RBFOX1: variants seen among roughly 807,000 people sequenced by gnomAD.
RBFOX1 encodes the protein RNA binding protein fox-1 homolog 1.
RBFOX1 carries 8 observed loss-of-function variants against 57.7 expected under a neutral mutation model. The observed-to-expected ratio is 0.14, with a 90% confidence interval of 0.08 to 0.25. The LOEUF is 0.25. Ranked by LOEUF, RBFOX1 falls within the 10% of genes least tolerant of loss-of-function variation. RBFOX1 has a pLI of 1.00. For synonymous variants in RBFOX1, 326 were observed against 222.4 expected (o/e 1.47, Z -4.15); for missense variants, 611 against 548.5 (o/e 1.11, Z -1.14).
chr16:6,942,853 C>G (rs1462305522), intron 3 of RBFOX1, among the ~76,000 whole-genome samples: 2 of 152,184 alleles, frequency 1.3e-5, no homozygotes, highest in Non-Finnish European at 1.5e-5. Flanking sequence ...GAGGACAGTC[C>G]TTCTACATGG....
chr16:7,487,224 G>T (rs539360686), intron 4 of RBFOX1, among the ~76,000 whole-genome samples: 1 of 152,154 alleles, frequency 6.6e-6, no homozygotes, highest in Non-Finnish European at 1.5e-5. Context: ...TGAACTTGCA[G>T]TTCCCACTGC....
At chr16:5,778,773 C>T (rs1399387602) in intron 3 of RBFOX1, among the ~76,000 whole-genome samples, 1 of 152,202 alleles carries the variant, frequency 6.6e-6, no homozygotes, top group Non-Finnish European at 1.5e-5. Flanking sequence ...TGAGCTCTAA[C>T]TCCCACCCCT....
At chr16:7,204,467 C>G (rs957544311) in intron 4 of RBFOX1, among the ~76,000 whole-genome samples, 1 of 152,116 alleles carries the variant, frequency 6.6e-6, no homozygotes, top group Admixed American at 6.5e-5. Flanking sequence ...CATAGTAAGA[C>G]ATTGTCTCTA....
At chr16:5,357,508 C>T (rs1596642881) in intron 1 of RBFOX1, among the ~76,000 whole-genome samples, 3 of 152,196 alleles carry the variant, frequency 2.0e-5, no homozygotes, top group Admixed American at 2.0e-4. Flanking sequence ...CAGGATTCCC[C>T]ACCAGAATGG....
intron 1 of RBFOX1, among the ~76,000 whole-genome samples, chr16:5,330,007 C>G (rs1232136028): frequency 6.7e-6 from 1 of 149,138 alleles, no homozygotes; most frequent in East Asian, 2.0e-4. Context: ...AAAAAAAGAC[C>G]GATGCGGTGT....
chr16:7,709,849 A>T (rs2083664005), intron 15 of RBFOX1: 1 of 1,218,332 alleles, frequency 8.2e-7, no homozygotes, highest in Non-Finnish European at 1.0e-6. Context: ...GTACAGTAAG[A>T]CGTGCCCATC....
At chr16:5,991,650 T>C (rs199930822) in intron 4 of RBFOX1, among the ~76,000 whole-genome samples, 86,364 of 126,362 alleles carry the variant, frequency 0.68, 26,920 homozygotes, top group Middle Eastern at 0.78. Flanking sequence ...AGATAGTTTT[T>C]TTTTTTTTTT....
intron 5 of RBFOX1, among the ~76,000 whole-genome samples, chr16:7,577,523 G>C (rs1002194290): frequency 6.6e-6 from 1 of 152,276 alleles, no homozygotes; most frequent in East Asian, 1.9e-4. Flanking sequence ...TCCAGAATTG[G>C]CAAGCCTGGC....
At chr16:6,168,108 G>A (rs752562032) in intron 1 of RBFOX1, among the ~76,000 whole-genome samples, 1 of 152,118 alleles carries the variant, frequency 6.6e-6, no homozygotes, top group Admixed American at 6.5e-5. Flanking sequence ...GGGGGCACAC[G>A]CAGATTTGCA....
intron 4 of RBFOX1, among the ~76,000 whole-genome samples, chr16:7,282,485 T>A (rs951803578): frequency 1.3e-5 from 2 of 152,122 alleles, no homozygotes; most frequent in African/African-American, 2.4e-5. Flanking sequence ...AGTTATCAGG[T>A]GGATTTTCTG....
At chr16:6,470,476 A>G (rs878868117) in intron 2 of RBFOX1, among the ~76,000 whole-genome samples, 13 of 152,238 alleles carry the variant, frequency 8.5e-5, no homozygotes, top group Admixed American at 8.5e-4. Flanking sequence ...TGGCTTGGAC[A>G]TGAATAGTGC....
chr16:5,641,043 C>T (rs1194709996), intron 3 of RBFOX1, among the ~76,000 whole-genome samples: 1 of 151,548 alleles, frequency 6.6e-6, no homozygotes, highest in Non-Finnish European at 1.5e-5. Flanking sequence ...CCCATGCACA[C>T]ACATATGCAC....
chr16:7,345,672 G>A (rs955800895), intron 4 of RBFOX1, among the ~76,000 whole-genome samples: 22 of 152,276 alleles, frequency 1.4e-4, no homozygotes, highest in African/African-American at 4.3e-4. Flanking sequence ...ACTTGCTGCC[G>A]GTGATGGAGC....
chr16:6,474,752 A>C (rs555698711), intron 2 of RBFOX1, among the ~76,000 whole-genome samples: 1 of 152,260 alleles, frequency 6.6e-6, no homozygotes, highest in Non-Finnish European at 1.5e-5. Flanking sequence ...GGGAATATGG[A>C]TTCATGTAAG....
At chr16:6,705,689 G>C (rs922771933) in intron 3 of RBFOX1, 10 of 152,182 alleles carry the variant, frequency 6.6e-5, no homozygotes, top group African/African-American at 2.2e-4. Context: ...CTGTGATAGA[G>C]TATGTCTTAT....
chr16:5,396,914 C>G (rs924884640), intron 1 of RBFOX1, among the ~76,000 whole-genome samples: 12 of 152,150 alleles, frequency 7.9e-5, no homozygotes, highest in African/African-American at 2.9e-4. Flanking sequence ...TTTGGAGATC[C>G]ACCTTGTCCA....
At chr16:7,710,235 T>G in intron 15 of RBFOX1, 2 of 1,059,872 alleles carry the variant, frequency 1.9e-6, no homozygotes, top group Non-Finnish European at 2.3e-6. Flanking sequence ...ACAACTCTGC[T>G]TCAACACCTA....
At chr16:5,408,093 C>G (rs551833502) in intron 1 of RBFOX1, among the ~76,000 whole-genome samples, 1 of 152,280 alleles carries the variant, frequency 6.6e-6, no homozygotes, top group East Asian at 1.9e-4. Context: ...AGTGAATTAT[C>G]TTTGATGTGA....
chr16:7,567,536 G>T (rs1427595571), intron 5 of RBFOX1, among the ~76,000 whole-genome samples: 6 of 71,332 alleles, frequency 8.4e-5, no homozygotes, highest in South Asian at 4.1e-4. Context: ...CCTATGTATG[G>T]CCCTATATGT....
Sources: allele counts gnomAD v4.1 joint callset (sites outside exome capture counted in the v4.1 genomes callset), GRCh38; gene constraint gnomAD v4.1.1; transcripts MANE v1.5; gene names NCBI Gene and HGNC (gene_info 2026-07-23, HGNC 2026-07-21).